The following DLEC1 variants were observed in gnomAD, a reference collection of about 807,000 sequenced individuals.
DLEC1 encodes the protein deleted in lung and esophageal cancer protein 1.
In DLEC1, 146 loss-of-function variants were observed where a neutral mutation model predicts 198.1. That is an observed-to-expected ratio of 0.74 (90% CI 0.64 to 0.85). DLEC1 has a LOEUF of 0.85. Ranked by LOEUF, DLEC1 falls within the 40% of genes least tolerant of loss-of-function variation. The pLI, the probability that DLEC1 is intolerant of heterozygous loss-of-function variation, is 0.00. For missense variants in DLEC1, 2,233 were observed against 2,220.0 expected (o/e 1.01, Z -0.12); for synonymous variants, 897 against 866.8 (o/e 1.03, Z -0.61).
At chr3:38,116,713 G>C (rs560206086) in intron 28 of DLEC1, 55 bp downstream of exon 28, 1 of 1,609,776 alleles carries the variant, frequency 6.2e-7, no homozygotes, top group East Asian at 2.2e-5. Flanking sequence ...ACTGAGGTGT[G>C]GCCAGTAGGC....
At chr3:38,097,954 G>GCTTGCCCTGGTGAAA in intron 18 of DLEC1, 52 bp downstream of exon 18, 3 of 1,608,578 alleles carry the variant, frequency 1.9e-6, no homozygotes, top group Non-Finnish European at 2.5e-6. Flanking sequence ...AGCCCGTTTA[G>GCTTGCCCTGGTGAAA]CTTGCCCTGG....
Position 38,097,499 on chromosome 3 carries a change from C to G in DLEC1, c.2435-8C>G, listed in dbSNP as rs754309028. 3 of 1,613,974 alleles carry G rather than the reference C, an allele frequency of 1.9e-6. No individual in the cohort carries two copies. Among genetic ancestry groups the G allele is most frequent in the Admixed American group, 3.3e-5 (2 of 60,022 alleles). The stretch of plus-strand genomic sequence containing the variant: ...CCTCTCCACCTCTCCCTTTCCCTCT[C>G]TTCTCAGAGCCCAGTGAGGTCGGGG... On this transcript the variant is annotated splice_region_variant and splice_polypyrimidine_tract_variant and intron_variant, in intron 16 of 36. Transcript: ENST00000308059.
intron 10 of DLEC1, 117 bp downstream of exon 10, chr3:38,088,505 G>T: frequency 1.1e-6 from 1 of 900,146 alleles, no homozygotes; most frequent in Non-Finnish European, 1.7e-6. Flanking sequence ...GTGACTTCTG[G>T]GTAGACGCAT....
At position 38,117,049 on chromosome 3, in the gene DLEC1, C is replaced by T. The variant is rs749267046; in HGVS notation, c.4254C>T (p.His1418=). 3.7e-6 allele frequency: 6 copies of T among 1,614,116 alleles called. No individual in the cohort carries two copies. The South Asian group carries it at 6.6e-5, about 18-fold the overall frequency. The change falls in exon 30 of 37, where the codon CAC becomes CAT. Residue 1418 remains histidine, a synonymous_variant. Coordinates refer to ENST00000308059, the MANE Select transcript of DLEC1 (RefSeq NM_007335.4). ...TGGTGCTCAGCCCTGAGATCCTGCA[C>T]AAGGTGGAGTGTACTGGCTACGCCC... The part of the protein sequence containing the change: ...TPMVLSPEIL[H]KVECTGYALG...
At chr3:38,059,351 T>C (rs967330773) in intron 2 of DLEC1, among the ~76,000 whole-genome samples, 1 of 152,212 alleles carries the variant, frequency 6.6e-6, no homozygotes, top group Non-Finnish European at 1.5e-5. Flanking sequence ...CCAAAGCACG[T>C]CACATGGCCA....
At chr3:38,071,375 T>C (rs1175091872) in intron 6 of DLEC1, among the ~76,000 whole-genome samples, 1 of 152,194 alleles carries the variant, frequency 6.6e-6, no homozygotes, top group East Asian at 1.9e-4. Context: ...TAGATTTCCA[T>C]GATGGAAAGG....
intron 2 of DLEC1, among the ~76,000 whole-genome samples, chr3:38,052,694 A>T (rs929517700): frequency 2.0e-5 from 3 of 152,196 alleles, no homozygotes; most frequent in Admixed American, 2.0e-4. Context: ...GAGATCTTGC[A>T]TTGGGGTGGC....
chr3:38,109,173 G>A (rs1699726979), intron 21 of DLEC1, among the ~76,000 whole-genome samples: 1 of 152,362 alleles, frequency 6.6e-6, no homozygotes, highest in South Asian at 2.1e-4. Context: ...CTTCTCCAGA[G>A]GCCCTCTCTG....
intron 9 of DLEC1, 115 bp downstream of exon 9, chr3:38,086,492 TGTAAACTCTCTATG>T: frequency 7.2e-7 from 1 of 1,395,978 alleles, no homozygotes; most frequent in Non-Finnish European, 9.7e-7. Context: ...CGCAGAGTGT[TGTAAACTCTCTATG>T]CAACTGCCAC....
chr3:38,059,691 CAA>C (rs777329992), intron 2 of DLEC1, 49 bp from the exon 3 acceptor site: 40 of 1,527,578 alleles, frequency 2.6e-5, no homozygotes, highest in Non-Finnish European at 3.5e-5. Flanking sequence ...GTGGGTTCTT[CAA>C]AGTCAGTCTG....
chr3:38,087,758 G>T (rs1397995043), intron 9 of DLEC1, among the ~76,000 whole-genome samples: 1 of 152,230 alleles, frequency 6.6e-6, no homozygotes, highest in African/African-American at 2.4e-5. Context: ...ACTGACCAGG[G>T]TCTTGTAGGC....
intron 10 of DLEC1, among the ~76,000 whole-genome samples, chr3:38,090,716 A>G (rs1280453175): frequency 1.3e-5 from 2 of 152,242 alleles, no homozygotes; most frequent in Non-Finnish European, 2.9e-5. Flanking sequence ...GGATTGTACC[A>G]ATTTATACTT....
chr3:38,101,886 A>G (rs1390032064), intron 19 of DLEC1, among the ~76,000 whole-genome samples: 1 of 152,090 alleles, frequency 6.6e-6, no homozygotes, highest in South Asian at 2.1e-4. Context: ...GTCTGTGCTT[A>G]TTTCCTTTCC....
At position 38,122,212 on chromosome 3, in the gene DLEC1, C is replaced by T. The variant is rs772648018; in HGVS notation, c.5144+18C>T. The T allele has an allele frequency of 1.9e-6, 3 of 1,611,580 alleles. No individual in the cohort carries two copies. The highest frequency in any genetic ancestry group is 2.5e-6 in the Non-Finnish European group (3 of 1,178,364). ...ACTGCCAGGTGCAGCCCCTTCCAAC[C>T]TTCCCCAAACTGCCCACAGAGCCTG... On this transcript the variant is annotated intron_variant, in intron 36 of 36. Coordinates refer to ENST00000308059, the MANE Select transcript of DLEC1 (RefSeq NM_007335.4).
In DLEC1 at chr3:38,097,268, G is replaced by T. The variant is rs749049979; in HGVS notation, c.2427G>T (p.Gly809=). 1 of 1,579,624 alleles carries T rather than the reference G, an allele frequency of 6.3e-7. No homozygotes were observed. The highest frequency in any genetic ancestry group is 1.2e-5 in the South Asian group (1 of 86,638). ...TCATTGAAGTGGAGCCCGGCACAGG[G>T]GTCATAGGTACCTTGGGGACTGCAG... is the stretch of plus-strand genomic sequence containing the variant. The part of the protein sequence containing the change: ...CHIIEVEPGT[G]VIEPSEVGDF... Residue 809 remains glycine (G), a synonymous_variant, in exon 16 of 37, where the codon GGG becomes GGT. Transcript: ENST00000308059.
chr3:38,077,077 A>G (rs1374790223), intron 6 of DLEC1, among the ~76,000 whole-genome samples: 2 of 152,260 alleles, frequency 1.3e-5, no homozygotes, highest in Non-Finnish European at 2.9e-5. Context: ...GGGAGGACCT[A>G]GGACATCTGA....
chr3:38,061,858 G>T (rs1696704747), intron 3 of DLEC1, among the ~76,000 whole-genome samples: 1 of 152,156 alleles, frequency 6.6e-6, no homozygotes, highest in South Asian at 2.1e-4. Flanking sequence ...TTTTTGTAGA[G>T]ATAGGGTCTC....
chr3:38,101,682 C>G (rs966493222), intron 19 of DLEC1, among the ~76,000 whole-genome samples: 3 of 152,022 alleles, frequency 2.0e-5, no homozygotes, highest in African/African-American at 7.2e-5. Context: ...TAGCCATTAC[C>G]CCACACTTTC....
At chr3:38,089,606 C>A (rs532435496) in intron 10 of DLEC1, among the ~76,000 whole-genome samples, 4 of 152,148 alleles carry the variant, frequency 2.6e-5, no homozygotes, top group Non-Finnish European at 5.9e-5. Flanking sequence ...AGGCCAGGTT[C>A]TCTGTTCTCT....
Sources: gnomAD v4.1 joint callset for allele counts (sites outside exome capture counted in the v4.1 genomes callset) on GRCh38, gnomAD v4.1.1 for gene constraint, MANE v1.5 for transcripts, NCBI Gene and HGNC (gene_info 2026-07-23, HGNC 2026-07-21) for gene names.